The following VWDE variants were observed in gnomAD, a reference collection of about 807,000 sequenced individuals.
VWDE encodes the protein von Willebrand factor D and EGF domain-containing protein.
In VWDE, 207 loss-of-function variants were observed where a neutral mutation model predicts 178.4. The ratio of observed to expected loss-of-function variants is 1.16; its 90% CI spans 1.04 to 1.30. The LOEUF (loss-of-function observed/expected upper bound fraction) is 1.30. Ranked by LOEUF, VWDE falls within the 50% of genes most tolerant of loss-of-function variation. The pLI, the probability that VWDE is intolerant of heterozygous loss-of-function variation, is 0.00. For missense variants in VWDE, 2,287 were observed against 1,901.3 expected, an observed-to-expected ratio of 1.20 and a Z score of -3.77; for synonymous variants, 738 against 651.4, an observed-to-expected ratio of 1.13 and a Z score of -2.02.
chr7:12,366,982 T>G (rs960467992), intron 13 of VWDE, among the ~76,000 whole-genome samples: 2 of 152,036 alleles, frequency 1.3e-5, no homozygotes, highest in Non-Finnish European at 2.9e-5. Context: ...TTAGTCCTCA[T>G]TTTTTGATTT....
chr7:12,383,709 C>G, intron 3 of VWDE, 108 bp from the exon 4 acceptor site: 1 of 917,612 alleles, frequency 1.1e-6, no homozygotes, highest in Non-Finnish European at 1.6e-6. Flanking sequence ...CAGACTAAGA[C>G]TTTCTTAATT....
intron 12 of VWDE, among the ~76,000 whole-genome samples, chr7:12,368,827 G>GA (rs1158092744): frequency 1.3e-5 from 2 of 152,110 alleles, no homozygotes; most frequent in East Asian, 3.9e-4. Context: ...GAAATGCTTT[G>GA]AAGCTGGAGC....
intron 22 of VWDE, 86 bp downstream of exon 22, chr7:12,342,997 T>G (rs1385752081): frequency 5.2e-6 from 5 of 952,406 alleles, no homozygotes; most frequent in Non-Finnish European, 7.9e-6. Flanking sequence ...TACGTAGAGT[T>G]TGGGTTCATT....
intron 19 of VWDE, among the ~76,000 whole-genome samples, chr7:12,350,167 A>G (rs550869041): frequency 6.6e-6 from 1 of 151,278 alleles, no homozygotes; most frequent in African/African-American, 2.5e-5. Context: ...TATATTTGTG[A>G]CATATAAAAA....
At chr7:12,365,960 T>C (rs1260499935) in intron 13 of VWDE, among the ~76,000 whole-genome samples, 1 of 151,814 alleles carries the variant, frequency 6.6e-6, no homozygotes, top group Non-Finnish European at 1.5e-5. Flanking sequence ...ATAGTGGGAG[T>C]TGACTGGATC....
chr7:12,385,696 T>C (rs1272231383), intron 3 of VWDE, among the ~76,000 whole-genome samples: 1 of 152,214 alleles, frequency 6.6e-6, no homozygotes, highest in Non-Finnish European at 1.5e-5. Context: ...TTTTGTTTGC[T>C]ATCTATGCAG....
At chr7:12,379,958 T>C (rs993033679) in intron 5 of VWDE, among the ~76,000 whole-genome samples, 1 of 151,386 alleles carries the variant, frequency 6.6e-6, no homozygotes. Context: ...TGCGTGTGGG[T>C]GTGGTGGCGG....
At position 12,383,586 on chromosome 7, in the gene VWDE, C is replaced by G; in HGVS notation, c.491G>C (p.Arg164Pro). Residue 164 changes from arginine (R) to proline (P), a missense_variant, in exon 4 of 29, where the codon CGA (arginine) becomes CCA (proline). Transcript: ENST00000275358. ...GYCAEAISDARLHPCGSDETE... is the reference protein window; with the variant it reads ...GYCAEAISDAPLHPCGSDETE... Reference sequence around the variant, plus strand: ...TTCATCAGAACCACATGGGTGTAATCGTGCATCAGAAATAGCTGCCAAGGG... The same window carrying G: ...TTCATCAGAACCACATGGGTGTAATGGTGCATCAGAAATAGCTGCCAAGGG... 6.4e-7 allele frequency: 1 copy of G among 1,550,428 alleles called. No homozygotes were observed. The highest frequency in any genetic ancestry group is 8.7e-7 in the Non-Finnish European group (1 of 1,145,928).
intron 18 of VWDE, among the ~76,000 whole-genome samples, chr7:12,353,429 G>GATT (rs1782055088): frequency 1.6e-5 from 2 of 122,960 alleles, no homozygotes; most frequent in East Asian, 4.8e-4. Context: ...TTGGGGGGAC[G>GATT]CAGTTCTATC....
At chr7:12,362,061 C>A (rs1782611568) in intron 13 of VWDE, among the ~76,000 whole-genome samples, 1 of 151,948 alleles carries the variant, frequency 6.6e-6, no homozygotes, top group African/African-American at 2.4e-5. Context: ...TAACTTTGTA[C>A]CAATGGAGAT....
chr7:12,389,245 C>CA lies in VWDE; in HGVS notation c.356dup (p.Leu119PhefsTer44). On this transcript the variant is annotated frameshift_variant, in exon 3 of 29. Coordinates refer to ENST00000275358, the MANE Select transcript of VWDE (RefSeq NM_001135924.3). LOFTEE classifies it high-confidence loss of function. Reference sequence around the variant, plus strand: ...GACAGCAGTCTTTTGTAGTGCTGAACAAAAACTGCCATGTTGCACAAGCTG... The same window carrying CA: ...GACAGCAGTCTTTTGTAGTGCTGAACAAAAAACTGCCATGTTGCACAAGCTG... 6.4e-7 allele frequency: 1 copy of CA among 1,551,660 alleles called. No homozygotes were observed. Among genetic ancestry groups the CA allele is most frequent in the Non-Finnish European group, 8.7e-7 (1 of 1,146,984 alleles).
At chr7:12,402,838 A>G (rs1018500025) in intron 1 of VWDE, among the ~76,000 whole-genome samples, 4 of 152,178 alleles carry the variant, frequency 2.6e-5, no homozygotes, top group Admixed American at 1.3e-4. Context: ...TGATAAGACA[A>G]AACTATACCC....
rs1395100641 is a variant in VWDE at position 12,358,388 on chromosome 7, G to GGT, written c.3275-874_3275-873insAC. Reference sequence around the variant, plus strand: ...GATTCTGTCTCAAAAAATAAAAGGTGGGGGGGGCTATTTTAGAGGACAGGC... The same window carrying GGT: ...GATTCTGTCTCAAAAAATAAAAGGTGGTGGGGGGGCTATTTTAGAGGACAGGC... On this transcript the variant is annotated intron_variant, in intron 16 of 28. Coordinates refer to ENST00000275358, the MANE Select transcript of VWDE (RefSeq NM_001135924.3). 8.7e-5 allele frequency among the ~76,000 whole-genome samples: 12 copies of GGT among 138,612 alleles called. 1 individual carries two copies. The highest frequency in any genetic ancestry group is 3.6e-4 in the African/African-American group (11 of 30,156). The allele number at this position is 138,612 out of a possible 152,430, so 90.9% of individuals were successfully genotyped here. A position where few individuals can be genotyped will look rare whatever the true frequency, so the allele number is the denominator to read the frequency against.
At chr7:12,376,757 G>C (rs966898114) in intron 7 of VWDE, among the ~76,000 whole-genome samples, 4 of 152,054 alleles carry the variant, frequency 2.6e-5, no homozygotes, top group African/African-American at 9.7e-5. Context: ...TGCTCGTGGT[G>C]CTCCTGAAAT....
At chr7:12,402,262 T>A (rs1387709968) in intron 1 of VWDE, among the ~76,000 whole-genome samples, 1 of 152,242 alleles carries the variant, frequency 6.6e-6, no homozygotes, top group Non-Finnish European at 1.5e-5. Context: ...AAATATACTC[T>A]GAATATACAC....
chr7:12,350,027 GGACA>G (rs1377695656), intron 19 of VWDE, among the ~76,000 whole-genome samples: 3 of 151,934 alleles, frequency 2.0e-5, no homozygotes, highest in African/African-American at 7.2e-5. Flanking sequence ...AATAATGCTA[GGACA>G]GACAATCTAA....
intron 24 of VWDE, among the ~76,000 whole-genome samples, chr7:12,338,320 T>C (rs1781145597): frequency 6.6e-6 from 1 of 151,968 alleles, no homozygotes; most frequent in Non-Finnish European, 1.5e-5. Flanking sequence ...ATTTTATTGA[T>C]ACTTTTTATT....
In VWDE at chr7:12,336,183, A is replaced by G. The variant is rs373415584; in HGVS notation, c.4612T>C (p.Cys1538Arg). 3 of 1,551,388 alleles carry G rather than the reference A, an allele frequency of 1.9e-6. No individual in the cohort carries two copies. Among genetic ancestry groups the G allele is most frequent in the African/African-American group, 2.7e-5 (2 of 73,060 alleles). ...CCTTCCCAGGAGGAAGGACAATGGC[A>G]TATGCTGGGCGCAATGCATTCACCA... ...NGGECIAPSI[C>R]HCPSSWEGVR... The change falls in exon 27 of 29, where the codon TGC becomes CGC. Residue 1538 changes from cysteine to arginine, a missense_variant. Cys to Arg is a radical substitution (Grantham distance 180, BLOSUM62 -3). Transcript: ENST00000275358.
At chr7:12,333,996 A>G (rs917282259) in intron 27 of VWDE, among the ~76,000 whole-genome samples, 3 of 152,170 alleles carry the variant, frequency 2.0e-5, no homozygotes, top group Non-Finnish European at 4.4e-5. Flanking sequence ...TTTTTATACT[A>G]TCATTGGAAG....
Sources: gnomAD v4.1 joint callset for allele counts (sites outside exome capture counted in the v4.1 genomes callset) on GRCh38, gnomAD v4.1.1 for gene constraint, MANE v1.5 for transcripts, NCBI Gene and HGNC (gene_info 2026-07-23, HGNC 2026-07-21) for gene names.